The following UBE4B variants were observed in gnomAD, a reference collection of about 807,000 sequenced individuals.
The protein encoded by UBE4B is ubiquitin conjugation factor E4 B.
Under a neutral mutation model 148.1 loss-of-function variants are expected in UBE4B, and 27 were observed. That is an observed-to-expected ratio of 0.18 (90% confidence interval 0.13 to 0.25). UBE4B has a LOEUF of 0.25. Ranked by LOEUF, UBE4B falls within the 10% of genes least tolerant of loss-of-function variation. The pLI is 1.00. For missense variants in UBE4B, 1,170 were observed against 1,662.4 expected, an observed-to-expected ratio of 0.70 and a Z score of 5.15; for synonymous variants, 596 against 619.3, an observed-to-expected ratio of 0.96 and a Z score of 0.56.
chr1:10,059,324 A>G (rs1644240532), intron 1 of UBE4B: 1 of 161,560 alleles, frequency 6.2e-6, no homozygotes. Context: ...TGGTGGGCAG[A>G]CTACACTGTA....
intron 1 of UBE4B, among the ~76,000 whole-genome samples, chr1:10,042,499 T>C (rs1643809823): frequency 6.6e-6 from 1 of 151,920 alleles, no homozygotes; most frequent in Non-Finnish European, 1.5e-5. Flanking sequence ...ATACAAAAAT[T>C]AGCCGGGCGT....
chr1:10,076,603 A>T (rs769002464), intron 2 of UBE4B, among the ~76,000 whole-genome samples: 70 of 151,818 alleles, frequency 4.6e-4, no homozygotes, highest in Non-Finnish European at 8.7e-4. Flanking sequence ...AAAGTCCTTC[A>T]TCCAGGAGTG....
chr1:10,037,323 G>A (rs1296525623), intron 1 of UBE4B, among the ~76,000 whole-genome samples: 6 of 151,464 alleles, frequency 4.0e-5, no homozygotes, highest in African/African-American at 1.5e-4. Context: ...CACTGTGCCC[G>A]GTAGTCTTGT....
chr1:10,039,283 A>G (rs1295834889), intron 1 of UBE4B, among the ~76,000 whole-genome samples: 1 of 152,158 alleles, frequency 6.6e-6, no homozygotes, highest in Non-Finnish European at 1.5e-5. Flanking sequence ...AACGCTGAGT[A>G]GCAGTTGCCC....
At chr1:10,144,115 G>A (rs1645828126) in intron 17 of UBE4B, among the ~76,000 whole-genome samples, 1 of 152,180 alleles carries the variant, frequency 6.6e-6, no homozygotes. Context: ...CCTATTAGGT[G>A]ATGGGGAAGC....
chr1:10,177,515 G>A (rs921953977), intron 25 of UBE4B, among the ~76,000 whole-genome samples: 4 of 151,898 alleles, frequency 2.6e-5, no homozygotes, highest in African/African-American at 9.7e-5. Flanking sequence ...AATTAACTGG[G>A]CATAGTGGCA....
chr1:10,126,820 G>A lies in UBE4B; in HGVS notation c.1581G>A (p.Leu527=), dbSNP rs1382984014. 4 of 1,613,618 alleles carry A rather than the reference G, an allele frequency of 2.5e-6. No homozygotes were observed. Among genetic ancestry groups the A allele is most frequent in the Non-Finnish European group, 3.4e-6 (4 of 1,179,874 alleles). The change falls in exon 11 of 28, where the codon CTG becomes CTA. Residue 527 remains leucine, a synonymous_variant. Transcript: ENST00000343090. ...KQIFIPILQG[L]ALAAKECSLD... ...TATTTATCCCCATTTTACAAGGCCT[G>A]GCTCTTGCTGCCAAAGAGTGCTCCC... is the stretch of plus-strand genomic sequence containing the variant.
At chr1:10,080,416 CAAA>C (rs565960920) in intron 2 of UBE4B, among the ~76,000 whole-genome samples, 1 of 101,282 alleles carries the variant, frequency 9.9e-6, no homozygotes, top group African/African-American at 3.6e-5. Context: ...GAATCCATCT[CAAA>C]AAAAAAAAAA....
At chr1:10,132,291 T>C in intron 14 of UBE4B, 78 bp from the exon 15 acceptor site, 1 of 1,062,448 alleles carries the variant, frequency 9.4e-7, no homozygotes, top group African/African-American at 1.6e-5. Flanking sequence ...GGAAGTAGGC[T>C]AGCTGTTCGT....
chr1:10,153,687 C>A (rs1232145600), intron 21 of UBE4B, among the ~76,000 whole-genome samples: 2 of 151,866 alleles, frequency 1.3e-5, no homozygotes, highest in Non-Finnish European at 2.9e-5. Flanking sequence ...TGGTGGCTCA[C>A]GCCTGTAATC....
At chr1:10,135,669 G>A (rs1476566942) in intron 16 of UBE4B, among the ~76,000 whole-genome samples, 1 of 146,844 alleles carries the variant, frequency 6.8e-6, no homozygotes, top group Admixed American at 7.0e-5. Flanking sequence ...CCAGGAGGCT[G>A]AGCTTGCAGT....
intron 17 of UBE4B, among the ~76,000 whole-genome samples, 159 bp downstream of exon 17, chr1:10,137,364 G>A (rs1413129789): frequency 6.6e-6 from 1 of 152,150 alleles, no homozygotes; most frequent in Non-Finnish European, 1.5e-5. Context: ...TTGCTCAGTT[G>A]TCCAGAGTTC....
At chr1:10,064,925 A>G (rs1397145526) in intron 1 of UBE4B, among the ~76,000 whole-genome samples, 1 of 151,984 alleles carries the variant, frequency 6.6e-6, no homozygotes, top group Non-Finnish European at 1.5e-5. Flanking sequence ...TGCCATGCCC[A>G]GCTAATTTTT....
chr1:10,089,467 G>C (rs1336575350), intron 2 of UBE4B, among the ~76,000 whole-genome samples: 1 of 150,488 alleles, frequency 6.6e-6, no homozygotes, highest in African/African-American at 2.5e-5. Flanking sequence ...TCTTGCCACT[G>C]TACCGCAGCC....
At chr1:10,143,705 G>T (rs146601338) in intron 17 of UBE4B, among the ~76,000 whole-genome samples, 3 of 152,170 alleles carry the variant, frequency 2.0e-5, no homozygotes, top group African/African-American at 7.2e-5. Flanking sequence ...AGTTGTAGAC[G>T]AAAGAATCCA....
intron 17 of UBE4B, among the ~76,000 whole-genome samples, chr1:10,140,018 G>A (rs184394520): frequency 2.4e-4 from 37 of 152,242 alleles, no homozygotes; most frequent in Non-Finnish European, 4.1e-4. Flanking sequence ...ACTGCACCCG[G>A]CCCATTTTAA....
chr1:10,130,962 G>A (rs1645583467), intron 14 of UBE4B, 149 bp downstream of exon 14: 1 of 669,694 alleles, frequency 1.5e-6, no homozygotes, highest in Non-Finnish European at 2.6e-6. Context: ...CTATAAGTAA[G>A]TAGCCTGTGT....
At position 10,073,878 on chromosome 1, in the gene UBE4B, A is replaced by T. The variant is rs1035752791; in HGVS notation, c.211+1664A>T. 1.5e-5 allele frequency among the ~76,000 whole-genome samples: 2 copies of T among 135,256 alleles called. 1 individual carries two copies. Among genetic ancestry groups the T allele is most frequent in the South Asian group, 4.7e-4 (2 of 4,238 alleles). 88.7% of individuals were successfully genotyped at this position (135,256 alleles called of 152,430 possible). A position where few individuals can be genotyped will look rare whatever the true frequency, so the allele number is the denominator to read the frequency against. ...GTGCAGTACCTCATTCTCCATGCTCACTCTCTCAGCTAGTGGCCTGGCTTC... is the reference window on the plus strand; with the variant it reads ...GTGCAGTACCTCATTCTCCATGCTCTCTCTCTCAGCTAGTGGCCTGGCTTC... On this transcript the variant is annotated intron_variant, in intron 2 of 27. Transcript: ENST00000343090.
At position 10,168,187 on chromosome 1, in the gene UBE4B, C is replaced by G; in HGVS notation, c.3250C>G (p.Arg1084Gly). 1 of 1,614,154 alleles carries G rather than the reference C, an allele frequency of 6.2e-7. No homozygotes were observed. Among genetic ancestry groups the G allele is most frequent in the Non-Finnish European group, 8.5e-7 (1 of 1,180,042 alleles). Reference sequence around the variant, plus strand: ...GCTTGCTCAGGATGAGCGTGTGTCCCGCTCTTACCTCGCCCTGGCCACCGA... The same window carrying G: ...GCTTGCTCAGGATGAGCGTGTGTCCGGCTCTTACCTCGCCCTGGCCACCGA... ...SQLAQDERVS[R>G]SYLALATETV... The change falls in exon 24 of 28, where the codon CGC becomes GGC. Residue 1084 changes from arginine to glycine, a missense_variant. Physicochemically the swap from Arg to Gly is moderately radical, Grantham distance 125. Transcript: ENST00000343090. The surrounding 1 kb of genome is among the most constrained non-coding windows in gnomAD (Gnocchi z 4.9).
Sources: gnomAD v4.1 joint callset for allele counts (sites outside exome capture counted in the v4.1 genomes callset) on GRCh38, gnomAD v4.1.1 for gene constraint, Gnocchi (gnomAD v3.1) non-coding constraint, MANE v1.5 for transcripts, NCBI Gene and HGNC (gene_info 2026-07-23, HGNC 2026-07-21) for gene names.